CLIP2: variants seen among roughly 807,000 people sequenced by gnomAD.
The protein encoded by CLIP2 is CAP-Gly domain containing linker protein 2, also known as CAP-Gly domain-containing linker protein 2.
In CLIP2, 41 loss-of-function variants were observed where a neutral mutation model predicts 111.7. The ratio of observed to expected loss-of-function variants is 0.37; its 90% confidence interval spans 0.29 to 0.48. CLIP2 has a LOEUF of 0.48. Among genes scored for constraint, CLIP2 ranks in the 20% least tolerant of loss-of-function variants. The pLI is 0.99. For missense variants in CLIP2, 1,160 were observed against 1,422.1 expected (o/e 0.82, Z 2.96); for synonymous variants, 660 against 644.2 (o/e 1.02, Z -0.37).
chr7:74,331,205 CAAAAAAAAAAA>C (rs58844348), intron 2 of CLIP2, among the ~76,000 whole-genome samples: 29 of 59,956 alleles, frequency 4.8e-4, no homozygotes, highest in African/African-American at 9.3e-4. Context: ...GACTCCATCT[CAAAAAAAAAAA>C]AAAAAAAAAA....
At chr7:74,302,532 G>A (rs1554727001) in intron 1 of CLIP2, among the ~76,000 whole-genome samples, 1 of 152,024 alleles carries the variant, frequency 6.6e-6, no homozygotes, top group African/African-American at 2.4e-5. Flanking sequence ...CCCTGAGCTC[G>A]GACATAGTGA....
At chr7:74,336,848 T>G (rs1564048888) in intron 2 of CLIP2, among the ~76,000 whole-genome samples, 3 of 25,206 alleles carry the variant, frequency 1.2e-4, no homozygotes, top group African/African-American at 2.0e-4. Context: ...ACTATGGTTG[T>G]TTGTTTTTTT....
chr7:74,357,958 T>C (rs1245395629), intron 6 of CLIP2, among the ~76,000 whole-genome samples: 1 of 151,598 alleles, frequency 6.6e-6, no homozygotes, highest in Non-Finnish European at 1.5e-5. Context: ...GGTTTCACCA[T>C]GTTGGTCAGG....
At chr7:74,314,392 G>A (rs1243910340) in intron 1 of CLIP2, among the ~76,000 whole-genome samples, 2 of 152,098 alleles carry the variant, frequency 1.3e-5, no homozygotes, top group African/African-American at 4.8e-5. Flanking sequence ...TCAGGGGACT[G>A]AGGCAAGAGA....
intron 1 of CLIP2, among the ~76,000 whole-genome samples, chr7:74,292,820 C>G (rs1452718569): frequency 6.6e-6 from 1 of 152,240 alleles, no homozygotes; most frequent in Non-Finnish European, 1.5e-5. Context: ...TAAGCACCTA[C>G]TGTATGCCTG....
chr7:74,383,387 A>G (rs1299537523), intron 11 of CLIP2, among the ~76,000 whole-genome samples: 8 of 152,142 alleles, frequency 5.3e-5, no homozygotes, highest in Non-Finnish European at 1.2e-4. Context: ...TTCTATTCCA[A>G]TGACTTGTTA....
chr7:74,360,312 G>A (rs1190756668), intron 7 of CLIP2, 34 bp downstream of exon 7: 6 of 1,504,824 alleles, frequency 4.0e-6, no homozygotes, highest in African/African-American at 1.4e-5. Flanking sequence ...CTGGCCCTGA[G>A]TCCCCTTAAG....
chr7:74,353,458 G>C (rs1170642894), intron 3 of CLIP2, among the ~76,000 whole-genome samples: 1 of 151,966 alleles, frequency 6.6e-6, no homozygotes, highest in Non-Finnish European at 1.5e-5. Context: ...ACCATGTTGG[G>C]CAGGCTGGTC....
Position 74,353,129 on chromosome 7 carries a change from C to T in CLIP2, c.679-751C>T, listed in dbSNP as rs530052336. Among the ~76,000 whole-genome samples, 4 of 150,864 alleles carry T rather than the reference C, an allele frequency of 2.7e-5. No individual in the cohort carries two copies. In the South Asian group the frequency reaches 8.4e-4, roughly 32 times the overall value. ...TTATACCATTGCACTCCAGCCTAGG[C>T]AACAGAGCAGGACCCTATCTCAAAA... is the stretch of plus-strand genomic sequence containing the variant. On this transcript the variant is annotated intron_variant, in intron 3 of 16. Coordinates refer to ENST00000223398, the MANE Select transcript of CLIP2 (RefSeq NM_003388.5).
chr7:74,291,358 G>A (rs1469463583), intron 1 of CLIP2, among the ~76,000 whole-genome samples: 1 of 152,150 alleles, frequency 6.6e-6, no homozygotes, highest in Non-Finnish European at 1.5e-5. Flanking sequence ...CCCAGCAGGG[G>A]GAATTTACTC....
At position 74,375,910 on chromosome 7, in the gene CLIP2, G is replaced by A. The variant is rs782511957; in HGVS notation, c.1509G>A (p.Ser503=). 2.4e-5 allele frequency: 38 copies of A among 1,575,558 alleles called. No individual in the cohort carries two copies. Among genetic ancestry groups the A allele is most frequent in the East Asian group, 9.3e-5 (4 of 43,082 alleles). ...DNRLTTVAEK[S]RVLQLEEELT... is the part of the protein sequence containing the mutation. ...AGCTGACCACAGTGGCCGAGAAGTCGCGCGTGCTGCAGCTGGAGGAGGAGC... is the reference window on the plus strand; with the variant it reads ...AGCTGACCACAGTGGCCGAGAAGTCACGCGTGCTGCAGCTGGAGGAGGAGC... The change falls in exon 10 of 17, where the codon TCG becomes TCA. Residue 503 remains serine, a synonymous_variant. Transcript: ENST00000223398.
At chr7:74,395,381 T>A (rs1165015827) in intron 13 of CLIP2, among the ~76,000 whole-genome samples, 1 of 152,114 alleles carries the variant, frequency 6.6e-6, no homozygotes, top group African/African-American at 2.4e-5. Context: ...TGGTCTTGAC[T>A]CATGACCTCA....
chr7:74,386,454 A>G, intron 11 of CLIP2, 67 bp from the exon 12 acceptor site: 1 of 1,342,338 alleles, frequency 7.4e-7, no homozygotes, highest in Admixed American at 1.9e-5. Context: ...TGGGAGGGCC[A>G]TGGCCCTACC....
intron 3 of CLIP2, among the ~76,000 whole-genome samples, chr7:74,348,475 C>T (rs1789866102): frequency 6.6e-6 from 1 of 150,528 alleles, no homozygotes; most frequent in Non-Finnish European, 1.5e-5. Flanking sequence ...GGGCAACATA[C>T]TGAGACCCTG....
chr7:74,311,049 A>T (rs1213535180), intron 1 of CLIP2, among the ~76,000 whole-genome samples: 2 of 149,036 alleles, frequency 1.3e-5, no homozygotes, highest in Non-Finnish European at 3.0e-5. Flanking sequence ...GTGCGATCTC[A>T]GCTCATTGCA....
rs565580048 is a variant in CLIP2 at position 74,332,919 on chromosome 7, G to A, written c.122-5529G>A. ...GTCCTCAGGAATTGGGGTCCCTCCTGATGAGATTGAGCAGGAAAAGCCAGT... is the reference window on the plus strand; with the variant it reads ...GTCCTCAGGAATTGGGGTCCCTCCTAATGAGATTGAGCAGGAAAAGCCAGT... On this transcript the variant is annotated intron_variant, in intron 2 of 16. Coordinates refer to ENST00000223398, the MANE Select transcript of CLIP2 (RefSeq NM_003388.5). Among the ~76,000 whole-genome samples the A allele has an allele frequency of 7.2e-5, 11 of 152,298 alleles. 1 individual carries two copies. In the South Asian group the frequency reaches 2.1e-3, roughly 29 times the overall value.
At position 74,405,410 on chromosome 7, in the gene CLIP2, G is replaced by A. The variant is rs1028283424; in HGVS notation, c.*1562G>A. ...GGACACGTGTGCAATTCATAGGAAC[G>A]GCCCAGATCGCCCTCATGAGTGCCA... On this transcript the variant is annotated 3_prime_UTR_variant, in exon 17 of 17. Transcript: ENST00000223398. The A allele has an allele frequency of 1.3e-5, 2 of 152,410 alleles. No homozygotes were observed. Among genetic ancestry groups the A allele is most frequent in the African/African-American group, 4.8e-5 (2 of 41,428 alleles). The allele number at this position is 152,410 out of a possible 1,614,324, so 9.4% of individuals were successfully genotyped here. A position where few individuals can be genotyped will look rare whatever the true frequency, so the allele number is the denominator to read the frequency against.
chr7:74,388,207 C>T (rs1791173903), intron 12 of CLIP2, among the ~76,000 whole-genome samples: 1 of 152,088 alleles, frequency 6.6e-6, no homozygotes, highest in South Asian at 2.1e-4. Context: ...TAGCGTGCAC[C>T]TGTAGTCCCA....
At chr7:74,361,524 T>C (rs1790331833) in intron 7 of CLIP2, among the ~76,000 whole-genome samples, 1 of 151,856 alleles carries the variant, frequency 6.6e-6, no homozygotes. Flanking sequence ...GCCTCCTTTA[T>C]TTTTCTTTTT....
Sources: allele counts gnomAD v4.1 joint callset (sites outside exome capture counted in the v4.1 genomes callset), GRCh38; gene constraint gnomAD v4.1.1; transcripts MANE v1.5; gene names NCBI Gene and HGNC (gene_info 2026-07-23, HGNC 2026-07-21).